Variants in ANXA7 observed in about 807,000 individuals in gnomAD.
The protein encoded by ANXA7 is annexin A7.
Under a neutral mutation model 64.9 loss-of-function variants are expected in ANXA7, and 55 were observed. The observed-to-expected ratio is 0.85, with a 90% confidence interval of 0.68 to 1.06. The LOEUF is 1.06. Ranked by LOEUF, ANXA7 falls within the 50% of genes least tolerant of loss-of-function variation. ANXA7 has a pLI of 0.00. For missense variants in ANXA7, 548 were observed against 582.1 expected, an observed-to-expected ratio of 0.94 and a Z score of 0.60; for synonymous variants, 200 against 192.4, an observed-to-expected ratio of 1.04 and a Z score of -0.33.
chr10:73,386,150 G>C (rs2055365870), intron 7 of ANXA7, among the ~76,000 whole-genome samples: 1 of 151,056 alleles, frequency 6.6e-6, no homozygotes, highest in African/African-American at 2.4e-5. Flanking sequence ...GAAAGTGGAG[G>C]CTGCAGTGAG....
At chr10:73,408,275 G>T (rs2055788721) in intron 1 of ANXA7, 1 of 151,130 alleles carries the variant, frequency 6.6e-6, no homozygotes, top group Non-Finnish European at 1.5e-5. Flanking sequence ...AGTCGTGTTT[G>T]CATCATTGCA....
intron 12 of ANXA7, among the ~76,000 whole-genome samples, chr10:73,378,621 G>A (rs887306981): frequency 1.3e-5 from 2 of 151,898 alleles, no homozygotes; most frequent in African/African-American, 2.4e-5. Flanking sequence ...AATGAAAATC[G>A]AAAGACAAAT....
intron 1 of ANXA7, among the ~76,000 whole-genome samples, chr10:73,403,348 G>C (rs1443509795): frequency 6.6e-6 from 1 of 152,078 alleles, no homozygotes; most frequent in Non-Finnish European, 1.5e-5. Context: ...AATTAGCCAG[G>C]CATGGTGGTG....
At chr10:73,390,651 T>C (rs1384963830) in intron 5 of ANXA7, among the ~76,000 whole-genome samples, 2 of 149,008 alleles carry the variant, frequency 1.3e-5, no homozygotes, top group Non-Finnish European at 3.0e-5. Flanking sequence ...CCTCACTGTG[T>C]ACCATTTGAT....
chr10:73,388,565 T>C (rs1279276949), intron 5 of ANXA7, 151 bp from the exon 6 acceptor site: 2 of 601,568 alleles, frequency 3.3e-6, no homozygotes, highest in African/African-American at 1.8e-5. Flanking sequence ...CCAGAGCTCA[T>C]TATGGAACAG....
intron 8 of ANXA7, 65 bp from the exon 9 acceptor site, chr10:73,383,410 G>A (rs372953871): frequency 4.2e-5 from 62 of 1,463,988 alleles, no homozygotes; most frequent in Middle Eastern, 3.6e-4. Context: ...TTAAATCTTC[G>A]TCAAATATTT....
At chr10:73,384,268 C>T (rs2055326256) in intron 7 of ANXA7, among the ~76,000 whole-genome samples, 1 of 152,038 alleles carries the variant, frequency 6.6e-6, no homozygotes, top group African/African-American at 2.4e-5. Context: ...CTACCAGGTA[C>T]AAAAACAAGG....
At chr10:73,409,064 C>T (rs1330090477) in intron 1 of ANXA7, among the ~76,000 whole-genome samples, 1 of 152,150 alleles carries the variant, frequency 6.6e-6, no homozygotes, top group Non-Finnish European at 1.5e-5. Flanking sequence ...CAACATCATA[C>T]TGAATGGGGA....
rs371064864 is a variant in ANXA7, at chr10:73,397,159, C to T, written c.370+5G>A. On this transcript the variant is annotated splice_donor_5th_base_variant and intron_variant, in intron 4 of 12. Transcript: ENST00000372921. Reference sequence around the variant, plus strand: ...ACTGTTTTTTTCTGGACAGCTGGTACCTACCAGGTAGTGGAACCTGTGCTG... The same window carrying T: ...ACTGTTTTTTTCTGGACAGCTGGTATCTACCAGGTAGTGGAACCTGTGCTG... The T allele has an allele frequency of 3.7e-5, 57 of 1,543,678 alleles. No homozygotes were observed. The highest frequency in any genetic ancestry group is 4.7e-5 in the Non-Finnish European group (53 of 1,138,982).
chr10:73,405,713 A>G (rs967544897), intron 1 of ANXA7, among the ~76,000 whole-genome samples: 3 of 152,232 alleles, frequency 2.0e-5, no homozygotes, highest in Non-Finnish European at 2.9e-5. Context: ...AGACACAGAT[A>G]GGCAAGAAAG....
chr10:73,405,015 G>C (rs895094801), intron 1 of ANXA7, among the ~76,000 whole-genome samples: 1 of 152,104 alleles, frequency 6.6e-6, no homozygotes, highest in Admixed American at 6.6e-5. Flanking sequence ...TTGGGAGGCT[G>C]AGGAGATCAC....
chr10:73,410,744 T>C (rs1255317661), intron 1 of ANXA7, among the ~76,000 whole-genome samples: 1 of 146,688 alleles, frequency 6.8e-6, no homozygotes, highest in Non-Finnish European at 1.5e-5. Flanking sequence ...ATCACGCCAT[T>C]GCACTCCAGC....
chr10:73,407,060 A>C (rs1265268717), intron 1 of ANXA7, among the ~76,000 whole-genome samples: 4 of 152,082 alleles, frequency 2.6e-5, no homozygotes. Context: ...TGAACAACGT[A>C]GTTGACTAAA....
At chr10:73,410,646 G>C (rs1356007283) in intron 1 of ANXA7, among the ~76,000 whole-genome samples, 1 of 152,106 alleles carries the variant, frequency 6.6e-6, no homozygotes, top group African/African-American at 2.4e-5. Flanking sequence ...GCTGGGCATG[G>C]TGGCGTGTGA....
At chr10:73,399,813 T>A (rs1381827669) in intron 2 of ANXA7, among the ~76,000 whole-genome samples, 1 of 147,644 alleles carries the variant, frequency 6.8e-6, no homozygotes, top group Non-Finnish European at 1.5e-5. Context: ...AGAGCGAGAC[T>A]CCATCTCAAA....
intron 5 of ANXA7, among the ~76,000 whole-genome samples, chr10:73,395,680 G>A (rs1245497341): frequency 1.3e-5 from 2 of 152,022 alleles, no homozygotes; most frequent in Non-Finnish European, 2.9e-5. Context: ...CAGTTACTCC[G>A]GAGGCTGAGG....
intron 1 of ANXA7, among the ~76,000 whole-genome samples, chr10:73,401,061 A>G (rs2055655810): frequency 6.6e-6 from 1 of 152,024 alleles, no homozygotes; most frequent in Admixed American, 6.6e-5. Flanking sequence ...GCACGCCACC[A>G]TGCCCAGCTA....
chr10:73,397,195 A>G lies in ANXA7; in HGVS notation c.339T>C (p.Tyr113=). 2 of 1,611,780 alleles carry G rather than the reference A, an allele frequency of 1.2e-6. No homozygotes were observed. The highest frequency in any genetic ancestry group is 8.5e-7 in the Non-Finnish European group (1 of 1,178,634). ...SGYPQPPSQS[Y]GGGPAQVPLP... Reference sequence around the variant, plus strand: ...GTGGAACCTGTGCTGGACCACCTCCATAAGACTGTGAAGGTGGCTGTGGAT... The same window carrying G: ...GTGGAACCTGTGCTGGACCACCTCCGTAAGACTGTGAAGGTGGCTGTGGAT... Residue 113 remains tyrosine (Y), a synonymous_variant, in exon 4 of 13, where the codon TAT becomes TAC. Coordinates refer to ENST00000372921, the MANE Select transcript of ANXA7 (RefSeq NM_001156.5).
intron 1 of ANXA7, among the ~76,000 whole-genome samples, chr10:73,401,797 C>CGGCCAAGG (rs112628016): frequency 0.099 from 15,009 of 152,146 alleles, 1,055 homozygotes; most frequent in East Asian, 0.3. Context: ...CCACCTCACC[C>CGGCCAAGG]GGCCAAGGCT....
Sources: allele counts gnomAD v4.1 joint callset (sites outside exome capture counted in the v4.1 genomes callset), GRCh38; gene constraint gnomAD v4.1.1; transcripts MANE v1.5; gene names NCBI Gene and HGNC (gene_info 2026-07-23, HGNC 2026-07-21).